MZT2A: variants seen among roughly 807,000 people sequenced by gnomAD.
The protein encoded by MZT2A is mitotic spindle organizing protein 2A.
A neutral mutation model predicts 12.4 loss-of-function variants in MZT2A; 8 were observed. That is an observed-to-expected ratio of 0.64 (90% CI 0.38 to 1.16). The LOEUF (loss-of-function observed/expected upper bound fraction) is 1.16. MZT2A is among the 50% of genes most tolerant of loss of function. MZT2A has a pLI of 0.01. For missense variants in MZT2A, 181 were observed against 223.6 expected (o/e 0.81, Z 1.22); for synonymous variants, 88 against 107.5 (o/e 0.82, Z 1.12).
downstream of MZT2A, among the ~76,000 whole-genome samples, chr2:131,482,282 T>C (rs1678889090): frequency 1.3e-5 from 2 of 152,194 alleles, no homozygotes; most frequent in Non-Finnish European, 2.9e-5. Context: ...TGTCTTCACC[T>C]GGGCACCTAT....
chr2:131,473,412 TCC>T, intron 2 of MZT2A, among the ~76,000 whole-genome samples: 1 of 147,246 alleles, frequency 6.8e-6, no homozygotes, highest in South Asian at 2.1e-4. Context: ...ACCTCATGAG[TCC>T]CATCCCACTG....
At chr2:131,470,309 T>C (rs1364431992) in exon 4 of MZT2A, 2 of 1,221,940 alleles carry the variant, frequency 1.6e-6, no homozygotes, top group Admixed American at 2.4e-5. Flanking sequence ...TTCTTTGGCT[T>C]GGGATTTCAA....
chr2:131,489,337 G>C (rs1166271642), intron 2 of MZT2A: 1 of 150,370 alleles, frequency 6.7e-6, no homozygotes, highest in East Asian at 2.0e-4. Context: ...TGGGAATACA[G>C]ATGGGCGCCA....
intron 3 of MZT2A, chr2:131,470,417 T>C: frequency 8.2e-7 from 1 of 1,219,550 alleles, no homozygotes; most frequent in Non-Finnish European, 1.1e-6. Context: ...GTTTACACTA[T>C]ATTAAAGAGT....
At position 131,490,746 on chromosome 2, in the gene MZT2A, G is replaced by A. The variant is rs1234363996; in HGVS notation, c.319+1130C>T. The A allele has an allele frequency of 2.9e-5, 45 of 1,544,250 alleles. No homozygotes were observed. The Middle Eastern group carries it at 6.7e-4, about 23-fold the overall frequency. On this transcript the variant is annotated intron_variant, in intron 2 of 2. Coordinates refer to ENST00000309451, the MANE Select transcript of MZT2A (RefSeq NM_001085365.2). ...GGAGAGAACAGGCAGCAAGAGAGGC[G>A]GAGGGAACCCGGGGGGCCTGGAGAG...
At chr2:131,475,951 C>G (rs1399297132) in intron 2 of MZT2A, 3 of 682,742 alleles carry the variant, frequency 4.4e-6, no homozygotes, top group Non-Finnish European at 7.2e-6. Context: ...TGATGACCCC[C>G]GCTGCCTTCC....
chr2:131,475,985 G>A, intron 2 of MZT2A: 2 of 848,386 alleles, frequency 2.4e-6, no homozygotes, highest in Non-Finnish European at 3.6e-6. Context: ...TCCAATCAGA[G>A]AGCGTCCCCA....
At chr2:131,479,830 A>G (rs1334060837), downstream of MZT2A, among the ~76,000 whole-genome samples, 1 of 151,896 alleles carries the variant, frequency 6.6e-6, no homozygotes, top group Admixed American at 6.6e-5. Flanking sequence ...ACAGAGCAAG[A>G]TTCCGTCTCA....
intron 2 of MZT2A, among the ~76,000 whole-genome samples, chr2:131,477,369 C>T (rs1469201313): frequency 6.6e-6 from 1 of 152,162 alleles, no homozygotes; most frequent in Non-Finnish European, 1.5e-5. Context: ...AAGGACAGTG[C>T]AGTGTCCCAG....
upstream of MZT2A, chr2:131,492,587 G>A (rs1417754411): frequency 8.5e-7 from 1 of 1,181,696 alleles, no homozygotes; most frequent in East Asian, 6.3e-5. Context: ...TAGGCGTCGG[G>A]AGTGGCATGG....
upstream of MZT2A, chr2:131,493,246 G>A: frequency 1.5e-6 from 2 of 1,356,710 alleles, no homozygotes; most frequent in Non-Finnish European, 1.9e-6. Flanking sequence ...GGACTCGGGC[G>A]GCCCGGCGGC....
downstream of MZT2A, among the ~76,000 whole-genome samples, chr2:131,481,435 A>AT (rs70994779): frequency 6.6e-3 from 853 of 129,242 alleles, 8 homozygotes; most frequent in South Asian, 0.029. Context: ...TGCCCGGGTA[A>AT]TTTTTTTTTT....
chr2:131,492,325 G>A lies in MZT2A; in HGVS notation c.52C>T (p.Leu18=). The A allele has an allele frequency of 6.6e-7, 1 of 1,514,354 alleles. No homozygotes were observed. The highest frequency in any genetic ancestry group is 1.2e-5 in the South Asian group (1 of 82,138). The allele number at this position is 1,514,354 out of a possible 1,614,324, so 93.8% of individuals were successfully genotyped here. ...GCCAGCTTCTGCCGGGCCGCCTCCA[G>A]CCCCGGGGGCGCCGCCGACCCCGGC... ...PGPGSAAPPG[L]EAARQKLALR... The change falls in exon 1 of 3, where the codon CTG becomes TTG. Residue 18 remains leucine (L), a synonymous_variant. Transcript: ENST00000309451.
At chr2:131,472,750 C>G (rs1310361383) in intron 2 of MZT2A, among the ~76,000 whole-genome samples, 1 of 152,172 alleles carries the variant, frequency 6.6e-6, no homozygotes, top group Non-Finnish European at 1.5e-5. Context: ...GTGATGTTCT[C>G]ACATCAACGA....
intron 4 of MZT2A, chr2:131,470,199 C>T (rs1018055188): frequency 1.8e-5 from 7 of 390,696 alleles, no homozygotes; most frequent in Non-Finnish European, 3.5e-5. Flanking sequence ...TCCTCCTTGT[C>T]CCACACCTTC....
At chr2:131,487,055 T>C in intron 2 of MZT2A, among the ~76,000 whole-genome samples, 1 of 152,146 alleles carries the variant, frequency 6.6e-6, no homozygotes, top group East Asian at 1.9e-4. Context: ...TCAGACGGGC[T>C]AGACAGTGGG....
upstream of MZT2A, chr2:131,492,787 G>A (rs1225806817): frequency 7.4e-7 from 1 of 1,356,392 alleles, no homozygotes; most frequent in Non-Finnish European, 9.7e-7. Flanking sequence ...TCTTCGGGGG[G>A]GGTGGGGGGC....
chr2:131,472,301 T>C (rs1229474011), intron 2 of MZT2A: 1 of 805,726 alleles, frequency 1.2e-6, no homozygotes, highest in East Asian at 6.9e-5. Context: ...CTCTTTTTAT[T>C]GCTGTATACT....
chr2:131,471,998 GT>G, intron 3 of MZT2A: 3 of 1,242,968 alleles, frequency 2.4e-6, no homozygotes, highest in Non-Finnish European at 3.1e-6. Flanking sequence ...TTAAACATCT[GT>G]ATGAACAGAA....
Sources: gnomAD v4.1 joint callset for allele counts (sites outside exome capture counted in the v4.1 genomes callset) on GRCh38, gnomAD v4.1.1 for gene constraint, MANE v1.5 for transcripts, NCBI Gene and HGNC (gene_info 2026-07-23, HGNC 2026-07-21) for gene names.